SHISA9: variants seen among roughly 807,000 people sequenced by gnomAD.
SHISA9 encodes the protein protein shisa-9.
A neutral mutation model predicts 38.0 loss-of-function variants in SHISA9; 13 were observed. The ratio of observed to expected loss-of-function variants is 0.34; its 90% CI spans 0.22 to 0.54. The LOEUF (loss-of-function observed/expected upper bound fraction) is 0.54, where lower values mean the gene tolerates loss of function less well. Ranked by LOEUF, SHISA9 falls within the 20% of genes least tolerant of loss-of-function variation. The pLI is 0.91. For synonymous variants in SHISA9, 275 were observed against 242.0 expected, an observed-to-expected ratio of 1.14 and a Z score of -1.27; for missense variants, 538 against 575.8, an observed-to-expected ratio of 0.93 and a Z score of 0.67.
At chr16:13,228,593 G>A (rs1596751354) in intron 4 of SHISA9, among the ~76,000 whole-genome samples, 1 of 152,150 alleles carries the variant, frequency 6.6e-6, no homozygotes, top group South Asian at 2.1e-4. Context: ...TTTAATGAGG[G>A]CGAGTGAGAT....
the SHISA9 span, among the ~76,000 whole-genome samples, chr16:13,341,664 G>T: frequency 6.6e-6 from 1 of 152,134 alleles, no homozygotes; most frequent in Non-Finnish European, 1.5e-5. Context: ...TTCTTACAGT[G>T]CCTTTGCTAA....
intron 2 of SHISA9, among the ~76,000 whole-genome samples, chr16:12,981,704 G>C (rs1436698412): frequency 3.1e-4 from 47 of 152,156 alleles, no homozygotes; most frequent in Non-Finnish European, 1.5e-5. Context: ...CTAACTGCCA[G>C]TATCTCACAA....
At chr16:12,919,516 C>G (rs2071301334) in intron 2 of SHISA9, among the ~76,000 whole-genome samples, 1 of 152,222 alleles carries the variant, frequency 6.6e-6, no homozygotes, top group South Asian at 2.1e-4. Context: ...ATCTATTTCT[C>G]TCTTCTTATC....
chr16:13,266,594 G>C, the SHISA9 span, among the ~76,000 whole-genome samples: 1 of 152,136 alleles, frequency 6.6e-6, no homozygotes, highest in Non-Finnish European at 1.5e-5. Context: ...GGGAGGCTCA[G>C]GCCCCCCAGA....
At chr16:13,352,678 G>GAA in the SHISA9 span, among the ~76,000 whole-genome samples, 1 of 15,552 alleles carries the variant, frequency 6.4e-5, no homozygotes, top group African/African-American at 1.5e-4. Flanking sequence ...AGTCCGGAAA[G>GAA]AGAGTCAGCG....
At chr16:13,419,440 T>A in the SHISA9 span, among the ~76,000 whole-genome samples, 1,581 of 152,334 alleles carry the variant, frequency 0.01, 28 homozygotes, top group African/African-American at 0.036. Flanking sequence ...AATCTTTCCT[T>A]TAATATCTAA....
At chr16:13,468,213 T>G in the SHISA9 span, among the ~76,000 whole-genome samples, 1 of 152,188 alleles carries the variant, frequency 6.6e-6, no homozygotes, top group South Asian at 2.1e-4. Flanking sequence ...ATAGATCCAC[T>G]CCACAGAAAG....
the SHISA9 span, among the ~76,000 whole-genome samples, chr16:13,448,335 C>T: frequency 6.6e-6 from 1 of 152,156 alleles, no homozygotes; most frequent in African/African-American, 2.4e-5. Flanking sequence ...CTTCAAAGGC[C>T]ATTATCGAGT....
intron 2 of SHISA9, among the ~76,000 whole-genome samples, chr16:12,975,286 CA>C (rs1282104115): frequency 1.3e-5 from 2 of 151,968 alleles, no homozygotes; most frequent in Non-Finnish European, 2.9e-5. Context: ...CGGTGAATCA[CA>C]AGGTCAGGAG....
the SHISA9 span, among the ~76,000 whole-genome samples, chr16:13,324,387 C>G: frequency 1.6e-4 from 24 of 152,208 alleles, no homozygotes; most frequent in African/African-American, 5.5e-4. Flanking sequence ...CTCCAGGATC[C>G]TGGCCCAGTT....
the SHISA9 span, among the ~76,000 whole-genome samples, chr16:13,352,657 C>T: frequency 7.1e-6 from 1 of 140,390 alleles, no homozygotes; most frequent in Non-Finnish European, 1.5e-5. Context: ...CACCTGGGCG[C>T]AGGCGGGCTG....
intron 2 of SHISA9, among the ~76,000 whole-genome samples, chr16:13,015,853 C>CCTTT (rs201249295): frequency 0.096 from 9,455 of 98,316 alleles, 528 homozygotes; most frequent in East Asian, 0.18. Flanking sequence ...TCTTTCTTTC[C>CCTTT]CTTTCTTTCT....
At chr16:13,119,966 C>T (rs1053151041) in intron 2 of SHISA9, among the ~76,000 whole-genome samples, 11 of 151,114 alleles carry the variant, frequency 7.3e-5, no homozygotes, top group African/African-American at 2.7e-4. Context: ...AAAGATGGGG[C>T]AGGGACTCCA....
At chr16:13,142,989 C>A (rs917295272) in intron 2 of SHISA9, among the ~76,000 whole-genome samples, 19 of 141,268 alleles carry the variant, frequency 1.3e-4, no homozygotes, top group African/African-American at 5.1e-4. Context: ...TAGCTGTTTC[C>A]TTTTATTTTA....
chr16:13,138,570 C>T (rs571938656), intron 2 of SHISA9, among the ~76,000 whole-genome samples: 15 of 152,280 alleles, frequency 9.9e-5, no homozygotes, highest in African/African-American at 2.6e-4. Flanking sequence ...TTAGACTCCA[C>T]GAACTACCCC....
Position 13,034,015 on chromosome 16 carries a change from G to A in SHISA9, c.691+117200G>A, listed in dbSNP as rs117790399. Reference sequence around the variant, plus strand: ...ATGAAGATTAGCCAGGTGTGGTGGCGCATGCCTGTAATGCAGCTACTCGGG... The same window carrying A: ...ATGAAGATTAGCCAGGTGTGGTGGCACATGCCTGTAATGCAGCTACTCGGG... On this transcript the variant is annotated intron_variant, in intron 2 of 4. Transcript: ENST00000558583. Among the ~76,000 whole-genome samples, 1,221 of 152,156 alleles carry A rather than the reference G, an allele frequency of 8.0e-3. 9 individuals are homozygous for A. The highest frequency in any genetic ancestry group is 0.014 in the Middle Eastern group (4 of 294).
chr16:13,224,354 G>C (rs773834514), intron 4 of SHISA9, among the ~76,000 whole-genome samples: 13 of 152,148 alleles, frequency 8.5e-5, no homozygotes, highest in Non-Finnish European at 1.5e-4. Flanking sequence ...ATGGATCCTA[G>C]TTCGCCTGTC....
intron 3 of SHISA9, among the ~76,000 whole-genome samples, chr16:13,213,051 G>A (rs1480597746): frequency 6.6e-6 from 1 of 152,218 alleles, no homozygotes; most frequent in Non-Finnish European, 1.5e-5. Flanking sequence ...ACGTGAGGCT[G>A]CTTCAAGGCC....
the SHISA9 span, among the ~76,000 whole-genome samples, chr16:13,351,430 A>G: frequency 6.6e-6 from 1 of 152,216 alleles, no homozygotes; most frequent in East Asian, 1.9e-4. Flanking sequence ...CACACTATGA[A>G]TAGCAGAAGG....
Sources: allele counts gnomAD v4.1 joint callset (sites outside exome capture counted in the v4.1 genomes callset), GRCh38; gene constraint gnomAD v4.1.1; transcripts MANE v1.5; gene names NCBI Gene and HGNC (gene_info 2026-07-23, HGNC 2026-07-21).